GRIK4: variants seen among roughly 807,000 people sequenced by gnomAD.
GRIK4 encodes the protein glutamate receptor ionotropic, kainate 4.
GRIK4 carries 40 observed loss-of-function variants against 104.9 expected under a neutral mutation model. The observed-to-expected ratio is 0.38, with a 90% CI of 0.30 to 0.50. The LOEUF is 0.50. Among genes scored for constraint, GRIK4 ranks in the 20% least tolerant of loss-of-function variants. GRIK4 has a pLI of 0.93. For missense variants in GRIK4, 1,047 were observed against 1,308.1 expected, an observed-to-expected ratio of 0.80 and a Z score of 3.08; for synonymous variants, 485 against 524.9, an observed-to-expected ratio of 0.92 and a Z score of 1.04.
chr11:120,761,836 A>AT (rs1224540423), intron 3 of GRIK4, among the ~76,000 whole-genome samples: 2 of 151,998 alleles, frequency 1.3e-5, no homozygotes, highest in African/African-American at 4.8e-5. Flanking sequence ...GTACCATGCT[A>AT]TTTTGGTTAC....
intron 3 of GRIK4, among the ~76,000 whole-genome samples, chr11:120,772,947 G>C (rs547174442): frequency 1.6e-4 from 25 of 152,218 alleles, no homozygotes; most frequent in African/African-American, 6.0e-4. Context: ...TAGGCAATGA[G>C]GATATAAAGT....
At chr11:120,798,155 CTCTTTTTTTTT>C (rs1292102014) in intron 3 of GRIK4, among the ~76,000 whole-genome samples, 2 of 100,034 alleles carry the variant, frequency 2.0e-5, no homozygotes, top group Non-Finnish European at 3.9e-5. Flanking sequence ...GCTCTGCTGT[CTCTTTTTTTTT>C]TTTTTTTTTT....
chr11:120,566,707 T>TA (rs1491554965), intron 1 of GRIK4, among the ~76,000 whole-genome samples: 1 of 71,530 alleles, frequency 1.4e-5, no homozygotes, highest in Non-Finnish European at 4.5e-5. Context: ...ATACCCTCAG[T>TA]TTTTTTTTTT....
chr11:120,847,690 G>C (rs1263727386), intron 8 of GRIK4, among the ~76,000 whole-genome samples: 2 of 152,224 alleles, frequency 1.3e-5, no homozygotes, highest in African/African-American at 4.8e-5. Flanking sequence ...GAACCTTTCA[G>C]AACTTTCATA....
rs928116668 is a variant in GRIK4, at chr11:120,949,520, C to T, written c.1591-3335C>T. ...TGGCCCAACTCACAGTCAACAGAGA[C>T]GTGTATAAATCAATACAAATGCCTA... On this transcript the variant is annotated intron_variant, in intron 14 of 20. Transcript: ENST00000527524. 1.4e-4 allele frequency among the ~76,000 whole-genome samples: 21 copies of T among 152,046 alleles called. No homozygotes were observed. In the South Asian group the frequency reaches 1.7e-3, roughly 12 times the overall value.
At position 120,819,988 on chromosome 11, in the gene GRIK4, GC is replaced by G; in HGVS notation, c.511+72del. On this transcript the variant is annotated intron_variant, in intron 6 of 20. Transcript: ENST00000527524. The surrounding 1 kb of genome is among the most constrained non-coding windows in gnomAD (Gnocchi z 4.3). ...TGTTGATTTTGCCCTGATTCCCTGT[GC>G]CCCTGGCTGGAGACCCTCCAGGAAG... 1 of 1,499,982 alleles carries G rather than the reference GC, an allele frequency of 6.7e-7. No homozygotes were observed. Among genetic ancestry groups the G allele is most frequent in the Non-Finnish European group, 9.2e-7 (1 of 1,087,926 alleles). The allele number at this position is 1,499,982 out of a possible 1,614,324, so 92.9% of individuals were successfully genotyped here. A position where few individuals can be genotyped will look rare whatever the true frequency, so the allele number is the denominator to read the frequency against.
At chr11:120,873,668 G>A (rs895263987) in intron 9 of GRIK4, 2 of 174,742 alleles carry the variant, frequency 1.1e-5, no homozygotes, top group Non-Finnish European at 2.4e-5. Context: ...AGAATGGGCA[G>A]ATAGGGGGGC....
chr11:120,799,736 C>T (rs1480975020), intron 3 of GRIK4, among the ~76,000 whole-genome samples: 2 of 152,216 alleles, frequency 1.3e-5, no homozygotes, highest in African/African-American at 4.8e-5. Flanking sequence ...TAATGTAAAG[C>T]TTGTGTGTCA....
chr11:120,934,825 G>A (rs1943561816), intron 13 of GRIK4, among the ~76,000 whole-genome samples: 1 of 152,206 alleles, frequency 6.6e-6, no homozygotes, highest in South Asian at 2.1e-4. Flanking sequence ...GATGCGTGGA[G>A]CACTCTCTGC....
intron 3 of GRIK4, among the ~76,000 whole-genome samples, chr11:120,696,770 A>G (rs1418918469): frequency 6.6e-6 from 1 of 152,072 alleles, no homozygotes; most frequent in Admixed American, 6.5e-5. Context: ...CTCCCTCAAC[A>G]TGGTACCATT....
intron 3 of GRIK4, among the ~76,000 whole-genome samples, chr11:120,733,824 A>G (rs2852229): frequency 0.76 from 113,383 of 149,638 alleles, 42,879 homozygotes; most frequent in Middle Eastern, 0.86. Flanking sequence ...TGCAACCTCC[A>G]CCTCCCGGGT....
intron 1 of GRIK4, among the ~76,000 whole-genome samples, chr11:120,576,126 C>A (rs1565556531): frequency 6.6e-6 from 1 of 152,072 alleles, no homozygotes; most frequent in Non-Finnish European, 1.5e-5. Flanking sequence ...GAATGTGTCG[C>A]CTAATTGCAG....
chr11:120,820,964 A>G (rs139309420), intron 6 of GRIK4, among the ~76,000 whole-genome samples: 1 of 152,358 alleles, frequency 6.6e-6, no homozygotes, highest in East Asian at 1.9e-4. Context: ...CTGAGTTCCA[A>G]CTCAGCTGTG....
At chr11:120,979,295 T>C (rs479160) in intron 19 of GRIK4, among the ~76,000 whole-genome samples, 92,271 of 152,074 alleles carry the variant, frequency 0.61, 28,090 homozygotes, top group Admixed American at 0.67. Context: ...AATAATTTTT[T>C]GATTAGATTT....
chr11:120,922,905 T>G (rs1943254374), intron 13 of GRIK4, among the ~76,000 whole-genome samples: 1 of 152,196 alleles, frequency 6.6e-6, no homozygotes. Context: ...GAGGCAACAA[T>G]GCAAAGGCCC....
chr11:120,619,322 A>G (rs1464335965), intron 1 of GRIK4, among the ~76,000 whole-genome samples: 1 of 152,152 alleles, frequency 6.6e-6, no homozygotes. Context: ...CCCCCATTGC[A>G]TCTTGGAAGT....
intron 3 of GRIK4, among the ~76,000 whole-genome samples, chr11:120,762,000 C>G (rs1951759246): frequency 6.6e-6 from 1 of 152,028 alleles, no homozygotes; most frequent in Non-Finnish European, 1.5e-5. Flanking sequence ...TCAATGGTGG[C>G]TTGATGTTAA....
intron 3 of GRIK4, among the ~76,000 whole-genome samples, chr11:120,753,321 G>GTA (rs879665407): frequency 0.058 from 6,557 of 112,328 alleles, 194 homozygotes; most frequent in African/African-American, 0.14. Flanking sequence ...GTGTGTGTGT[G>GTA]TGTGTGTGTG....
At chr11:120,545,798 T>G (rs1948080466) in intron 1 of GRIK4, among the ~76,000 whole-genome samples, 1 of 152,228 alleles carries the variant, frequency 6.6e-6, no homozygotes, top group African/African-American at 2.4e-5. Flanking sequence ...TAGGGATCTT[T>G]GGATAACAAC....
Sources: gnomAD v4.1 joint callset for allele counts (sites outside exome capture counted in the v4.1 genomes callset) on GRCh38, gnomAD v4.1.1 for gene constraint, Gnocchi (gnomAD v3.1) non-coding constraint, MANE v1.5 for transcripts, NCBI Gene and HGNC (gene_info 2026-07-23, HGNC 2026-07-21) for gene names.